The following TRPA1 variants were observed in gnomAD, a reference collection of about 807,000 sequenced individuals.
TRPA1 encodes ankyrin-like with transmembrane domains 1.
In TRPA1, 129 loss-of-function variants were observed where a neutral mutation model predicts 131.3. The ratio of observed to expected loss-of-function variants is 0.98; its 90% CI spans 0.85 to 1.14. TRPA1 has a LOEUF of 1.14. TRPA1 is among the 50% of genes most tolerant of loss of function. The pLI, the probability that TRPA1 is intolerant of heterozygous loss-of-function variation, is 0.00. For synonymous variants in TRPA1, 441 were observed against 451.7 expected, an observed-to-expected ratio of 0.98 and a Z score of 0.30; for missense variants, 1,304 against 1,354.2, an observed-to-expected ratio of 0.96 and a Z score of 0.58.
At chr8:72,072,605 C>G (rs1806089613) in intron 1 of TRPA1, among the ~76,000 whole-genome samples, 3 of 152,128 alleles carry the variant, frequency 2.0e-5, no homozygotes, top group Non-Finnish European at 4.4e-5. Context: ...TACACATATT[C>G]AGTAATAAAT....
chr8:72,080,515 A>G (rs1186242187), upstream of TRPA1, among the ~76,000 whole-genome samples: 1 of 151,774 alleles, frequency 6.6e-6, no homozygotes, highest in Non-Finnish European at 1.5e-5. Flanking sequence ...GCTCAAGAAG[A>G]ATATTGATCT....
At chr8:72,085,026 TACTA>T in the TRPA1 span, among the ~76,000 whole-genome samples, 3 of 152,176 alleles carry the variant, frequency 2.0e-5, no homozygotes, top group Non-Finnish European at 4.4e-5. Flanking sequence ...AGTTATTTCT[TACTA>T]ACTCTAACAT....
Position 72,024,034 on chromosome 8 carries a change from G to A in TRPA1, c.3052-123C>T, listed in dbSNP as rs1032343718. 7 of 679,072 alleles carry A rather than the reference G, an allele frequency of 1.0e-5. No homozygotes were observed. In the Admixed American group the frequency reaches 1.4e-4, roughly 13 times the overall value. The allele number at this position is 679,072 out of a possible 1,614,324, so 42.1% of individuals were successfully genotyped here. On this transcript the variant is annotated intron_variant, in intron 25 of 26. Coordinates refer to ENST00000262209, the MANE Select transcript of TRPA1 (RefSeq NM_007332.3). ...CATAAGGCATAGCTATGCCCTCAAG[G>A]AACCCACAATCTGCTAGGAGAAAGA...
intron 21 of TRPA1, 119 bp downstream of exon 21, chr8:72,036,169 A>G: frequency 1.9e-6 from 2 of 1,080,440 alleles, no homozygotes; most frequent in Non-Finnish European, 2.7e-6. Context: ...AAAATTCTTC[A>G]TATTTTGAAA....
chr8:72,029,498 A>T (rs3824150), intron 24 of TRPA1, among the ~76,000 whole-genome samples: 57,945 of 152,058 alleles, frequency 0.38, 11,573 homozygotes, highest in East Asian at 0.55. Flanking sequence ...CTGTGCTCTT[A>T]AAAAAGGAAG....
chr8:72,069,256 C>T (rs1195555844), intron 2 of TRPA1, 58 bp from the exon 3 acceptor site: 9 of 1,551,280 alleles, frequency 5.8e-6, no homozygotes, highest in African/African-American at 1.4e-5. Context: ...TCAACACCTC[C>T]TGAGTGCCTA....
chr8:72,066,217 T>C (rs556595081), intron 3 of TRPA1, among the ~76,000 whole-genome samples: 35 of 152,332 alleles, frequency 2.3e-4, no homozygotes, highest in African/African-American at 8.2e-4. Context: ...TGGAATTTCA[T>C]TGAAGATCTG....
At chr8:72,064,839 AT>A in intron 4 of TRPA1, among the ~76,000 whole-genome samples, 1 of 15,266 alleles carries the variant, frequency 6.6e-5, no homozygotes, top group African/African-American at 2.9e-3. Flanking sequence ...CATGTAGACA[AT>A]CATCTCCATC....
intron 12 of TRPA1, 115 bp downstream of exon 12, chr8:72,055,320 TA>T: frequency 1.2e-6 from 1 of 844,170 alleles, no homozygotes; most frequent in Non-Finnish European, 1.9e-6. Flanking sequence ...ATAAATTGGA[TA>T]AAAGTACTTA....
At chr8:72,047,956 CATCT>C in intron 15 of TRPA1, among the ~76,000 whole-genome samples, 1 of 152,018 alleles carries the variant, frequency 6.6e-6, no homozygotes, top group East Asian at 1.9e-4. Context: ...GTTTAGTTCC[CATCT>C]TCTGAACTGC....
chr8:72,061,814 T>C, intron 6 of TRPA1, 53 bp from the exon 7 acceptor site: 1 of 1,588,280 alleles, frequency 6.3e-7, no homozygotes, highest in Non-Finnish European at 8.6e-7. Context: ...TGAAAGAATA[T>C]AACTTATATT....
intron 24 of TRPA1, among the ~76,000 whole-genome samples, chr8:72,026,628 C>T (rs1811619025): frequency 6.6e-6 from 1 of 152,194 alleles, no homozygotes; most frequent in Non-Finnish European, 1.5e-5. Context: ...TCTGTGCTAT[C>T]AGGTGCAAAA....
chr8:72,055,350 C>T, intron 12 of TRPA1, 86 bp downstream of exon 12: 1 of 1,131,268 alleles, frequency 8.8e-7, no homozygotes, highest in South Asian at 1.3e-5. Flanking sequence ...TAAAGTTAGA[C>T]CTCATAATTA....
At chr8:72,024,342 CA>C (rs1198431766) in intron 25 of TRPA1, among the ~76,000 whole-genome samples, 2 of 152,186 alleles carry the variant, frequency 1.3e-5, no homozygotes, top group Non-Finnish European at 2.9e-5. Context: ...GTTATTTTAA[CA>C]CATTTCATTT....
intron 20 of TRPA1, 27 bp downstream of exon 20, chr8:72,037,956 T>G (rs72659650): frequency 1.3e-4 from 176 of 1,362,710 alleles, no homozygotes; most frequent in Non-Finnish European, 1.8e-4. Context: ...TATGTGCAAC[T>G]TTAGAGATAC....
In TRPA1 at chr8:72,057,152, A is replaced by T. The variant is rs1563398759; in HGVS notation, c.1094-135T>A. 4 of 689,972 alleles carry T rather than the reference A, an allele frequency of 5.8e-6. No individual in the cohort carries two copies. The East Asian group carries it at 1.1e-4, about 19-fold the overall frequency. 42.7% of individuals were successfully genotyped at this position (689,972 alleles called of 1,614,324 possible). ...TTAGTTTACAGGAAATTGTGTTTAG[A>T]TGAGAAAACTAAACATATTTAAAAT... On this transcript the variant is annotated intron_variant, in intron 9 of 26. Coordinates refer to ENST00000262209, the MANE Select transcript of TRPA1 (RefSeq NM_007332.3).
At chr8:72,043,059 GC>G (rs1291732420) in intron 17 of TRPA1, among the ~76,000 whole-genome samples, 2 of 151,766 alleles carry the variant, frequency 1.3e-5, no homozygotes, top group Non-Finnish European at 2.9e-5. Context: ...TTAACTTTAT[GC>G]TTTTTACCAC....
chr8:72,067,758 T>C (rs1805965252), intron 3 of TRPA1, among the ~76,000 whole-genome samples: 1 of 152,196 alleles, frequency 6.6e-6, no homozygotes, highest in African/African-American at 2.4e-5. Flanking sequence ...AGCACTTGGC[T>C]CATGAATAAT....
intron 12 of TRPA1, chr8:72,054,833 C>G (rs868379239): frequency 1.3e-4 from 20 of 152,310 alleles, no homozygotes; most frequent in African/African-American, 4.6e-4. Flanking sequence ...AAAACATTTC[C>G]AGGTTTTTTC....
Sources: gnomAD v4.1 joint callset for allele counts (sites outside exome capture counted in the v4.1 genomes callset) on GRCh38, gnomAD v4.1.1 for gene constraint, MANE v1.5 for transcripts, NCBI Gene and HGNC (gene_info 2026-07-23, HGNC 2026-07-21) for gene names.